Variants in NAV3 observed in about 807,000 individuals in gnomAD.
NAV3 encodes the protein neuron navigator 3, also known as pore membrane and/or filament interacting like protein 1.
Under a neutral mutation model 244.7 loss-of-function variants are expected in NAV3, and 87 were observed. The ratio of observed to expected loss-of-function variants is 0.36; its 90% confidence interval spans 0.30 to 0.42. The LOEUF (loss-of-function observed/expected upper bound fraction) is 0.42. Among genes scored for constraint, NAV3 ranks in the 20% least tolerant of loss-of-function variants. NAV3 has a pLI of 1.00. For synonymous variants in NAV3, 1,126 were observed against 1,042.2 expected, an observed-to-expected ratio of 1.08 and a Z score of -1.55; for missense variants, 2,663 against 2,893.3, an observed-to-expected ratio of 0.92 and a Z score of 1.83.
At chr12:77,883,835 A>C (rs1235161015) in intron 1 of NAV3, among the ~76,000 whole-genome samples, 1 of 152,054 alleles carries the variant, frequency 6.6e-6, no homozygotes, top group Non-Finnish European at 1.5e-5. Context: ...TCAGTTTACC[A>C]CAGGGAAATT....
intron 1 of NAV3, among the ~76,000 whole-genome samples, chr12:77,907,276 T>C (rs1314651436): frequency 6.6e-6 from 1 of 152,084 alleles, no homozygotes; most frequent in African/African-American, 2.4e-5. Context: ...TCAGGTAACA[T>C]GTATGTATTC....
At chr12:78,103,280 C>G (rs2138245090) in intron 12 of NAV3, among the ~76,000 whole-genome samples, 1 of 152,294 alleles carries the variant, frequency 6.6e-6, no homozygotes. Flanking sequence ...TGCCACCAGT[C>G]TCTTTGCTAA....
At chr12:77,629,587 T>G (rs12321690) in intron 2 of NAV3, among the ~76,000 whole-genome samples, 18,127 of 152,174 alleles carry the variant, frequency 0.12, 1,997 homozygotes, top group African/African-American at 0.29. Context: ...CAATAACTTT[T>G]CACTCTAATT....
At chr12:77,873,747 T>TATATATATATAG (rs1881400577) in intron 1 of NAV3, among the ~76,000 whole-genome samples, 1 of 100,384 alleles carries the variant, frequency 1.0e-5, no homozygotes, top group Non-Finnish European at 2.3e-5. Flanking sequence ...TGTGTGTGTA[T>TATATATATATAG]ATATATATAT....
chr12:78,016,939 G>A (rs1307869282), intron 8 of NAV3, among the ~76,000 whole-genome samples: 2 of 152,062 alleles, frequency 1.3e-5, no homozygotes, highest in Non-Finnish European at 2.9e-5. Flanking sequence ...CTGTCTGTTA[G>A]CTAAGGGAAC....
At chr12:77,672,203 C>T (rs759269397) in intron 2 of NAV3, among the ~76,000 whole-genome samples, 4 of 151,348 alleles carry the variant, frequency 2.6e-5, no homozygotes, top group South Asian at 2.1e-4. Flanking sequence ...AACCACACTG[C>T]GGCCTGCAAG....
intron 3 of NAV3, among the ~76,000 whole-genome samples, chr12:77,944,615 G>A (rs1384589965): frequency 3.3e-5 from 5 of 152,080 alleles, no homozygotes; most frequent in Non-Finnish European, 7.4e-5. Context: ...AAGAGTATTG[G>A]TTAGAATATA....
At chr12:78,099,834 A>G (rs922981432) in intron 12 of NAV3, among the ~76,000 whole-genome samples, 4 of 151,966 alleles carry the variant, frequency 2.6e-5, no homozygotes, top group African/African-American at 9.6e-5. Context: ...TCCTTCAGAT[A>G]TCATTAAAAC....
intron 2 of NAV3, among the ~76,000 whole-genome samples, chr12:77,644,693 G>A (rs767832858): frequency 1.3e-5 from 2 of 152,012 alleles, no homozygotes; most frequent in South Asian, 2.1e-4. Flanking sequence ...AATTTTTGAC[G>A]TGGGGCATGT....
At chr12:77,918,642 G>A (rs544538014) in intron 1 of NAV3, among the ~76,000 whole-genome samples, 6 of 151,982 alleles carry the variant, frequency 3.9e-5, no homozygotes. Context: ...GATAGTTTCT[G>A]GGGGGTGATA....
At chr12:78,090,217 C>A (rs415205) in intron 12 of NAV3, among the ~76,000 whole-genome samples, 1 of 147,266 alleles carries the variant, frequency 6.8e-6, no homozygotes. Context: ...TTGAATTATA[C>A]ATATATAAAG....
At chr12:77,617,972 C>T (rs1871207641) in intron 2 of NAV3, among the ~76,000 whole-genome samples, 1 of 152,180 alleles carries the variant, frequency 6.6e-6, no homozygotes, top group Non-Finnish European at 1.5e-5. Flanking sequence ...TAGCAAACAA[C>T]CATGAGAAAG....
chr12:78,093,848 T>A (rs916810524), intron 12 of NAV3, among the ~76,000 whole-genome samples: 7 of 152,300 alleles, frequency 4.6e-5, no homozygotes, highest in African/African-American at 1.4e-4. Flanking sequence ...TTTTCTTTTT[T>A]AGAGATAGGG....
At chr12:77,653,844 G>C (rs527804261) in intron 2 of NAV3, among the ~76,000 whole-genome samples, 2 of 152,126 alleles carry the variant, frequency 1.3e-5, no homozygotes, top group Admixed American at 1.3e-4. Flanking sequence ...ACACATATTT[G>C]TTTTCATGTT....
intron 1 of NAV3, among the ~76,000 whole-genome samples, chr12:77,873,530 G>A (rs1017308854): frequency 1.3e-5 from 2 of 150,642 alleles, no homozygotes; most frequent in Non-Finnish European, 1.5e-5. Context: ...CTAATATTTA[G>A]CATTTCTGTT....
At chr12:78,005,663 A>G (rs1874074704) in intron 7 of NAV3, among the ~76,000 whole-genome samples, 1 of 152,214 alleles carries the variant, frequency 6.6e-6, no homozygotes, top group South Asian at 2.1e-4. Context: ...TGGGCTGTAG[A>G]GTGACAAGAT....
chr12:77,935,774 G>A (rs1382017469), intron 1 of NAV3, among the ~76,000 whole-genome samples: 1 of 152,174 alleles, frequency 6.6e-6, no homozygotes, highest in Non-Finnish European at 1.5e-5. Flanking sequence ...GGAGGCCTCA[G>A]GAAACTTACA....
At chr12:77,990,276 G>T (rs764580048) in intron 5 of NAV3, among the ~76,000 whole-genome samples, 1 of 152,186 alleles carries the variant, frequency 6.6e-6, no homozygotes, top group Admixed American at 6.5e-5. Context: ...AGTGGGGAAG[G>T]CATGTGGCTA....
At chr12:78,021,479 C>T (rs1320451638) in intron 8 of NAV3, among the ~76,000 whole-genome samples, 3 of 152,046 alleles carry the variant, frequency 2.0e-5, no homozygotes, top group Non-Finnish European at 2.9e-5. Flanking sequence ...ATATTTTGCT[C>T]CCAAATTATA....
Sources: allele counts gnomAD v4.1 joint callset (sites outside exome capture counted in the v4.1 genomes callset), GRCh38; gene constraint gnomAD v4.1.1; transcripts MANE v1.5; gene names NCBI Gene and HGNC (gene_info 2026-07-23, HGNC 2026-07-21).